Variants in CBL observed in about 807,000 individuals in gnomAD.
CBL encodes E3 ubiquitin-protein ligase CBL.
In CBL, 45 loss-of-function variants were observed where a neutral mutation model predicts 96.9. The ratio of observed to expected loss-of-function variants is 0.46; its 90% CI spans 0.37 to 0.60. The LOEUF is 0.60. CBL is among the 20% of genes least tolerant of loss of function. The probability of loss-of-function intolerance (pLI) is 0.00; values close to 1 mark genes in which losing one functional copy is unlikely to be tolerated. For synonymous variants in CBL, 420 were observed against 426.8 expected (o/e 0.98, Z 0.20); for missense variants, 1,024 against 1,143.5 (o/e 0.90, Z 1.51).
chr11:119,247,935 C>G (rs1949644622), intron 2 of CBL, among the ~76,000 whole-genome samples: 1 of 152,162 alleles, frequency 6.6e-6, no homozygotes, highest in African/African-American at 2.4e-5. Context: ...AGGCAAAAGA[C>G]TTGTACACTG....
chr11:119,281,002 A>G (rs1442674784), intron 9 of CBL, among the ~76,000 whole-genome samples: 1 of 152,180 alleles, frequency 6.6e-6, no homozygotes, highest in Non-Finnish European at 1.5e-5. Flanking sequence ...TTCAGTTTGT[A>G]CCTGTCACTA....
intron 2 of CBL, among the ~76,000 whole-genome samples, chr11:119,251,976 A>G (rs1354424126): frequency 6.6e-6 from 1 of 152,216 alleles, no homozygotes; most frequent in East Asian, 1.9e-4. Context: ...AAGCCAACAA[A>G]TGCCTGCTAG....
At chr11:119,236,107 A>G (rs918257343) in intron 2 of CBL, among the ~76,000 whole-genome samples, 15 of 151,960 alleles carry the variant, frequency 9.9e-5, no homozygotes, top group African/African-American at 3.6e-4. Flanking sequence ...TAAAGTGTAC[A>G]ATTTAGTGGT....
chr11:119,223,919 C>T (rs1949433203), intron 1 of CBL, among the ~76,000 whole-genome samples: 1 of 152,252 alleles, frequency 6.6e-6, no homozygotes, highest in South Asian at 2.1e-4. Context: ...GCCAATGCCC[C>T]TGGCAATTTT....
In CBL at chr11:119,305,030, C is replaced by T. The variant is rs1950125167; in HGVS notation, c.*5249C>T. On this transcript the variant is annotated 3_prime_UTR_variant, in exon 16 of 16. Transcript: ENST00000264033. ...AGGGAGAGCAGAGATGTGGCAGGCTCCTTCAGCTGGAGACAGGGAGCTTCT... is the reference window on the plus strand; with the variant it reads ...AGGGAGAGCAGAGATGTGGCAGGCTTCTTCAGCTGGAGACAGGGAGCTTCT... 4.6e-6 allele frequency: 1 copy of T among 215,366 alleles called. No individual in the cohort carries two copies. 13.3% of individuals were successfully genotyped at this position (215,366 alleles called of 1,614,324 possible).
At chr11:119,272,145 G>A (rs556103829) in intron 3 of CBL, among the ~76,000 whole-genome samples, 5 of 152,178 alleles carry the variant, frequency 3.3e-5, no homozygotes, top group South Asian at 2.1e-4. Flanking sequence ...TTTTTGAGAC[G>A]GAGTCTTGCT....
chr11:119,298,487 C>CT lies in CBL; in HGVS notation c.2382dup (p.Asn795Ter). The CT allele has an allele frequency of 6.2e-7, 1 of 1,614,204 alleles. No homozygotes were observed. The highest frequency in any genetic ancestry group is 8.5e-7 in the Non-Finnish European group (1 of 1,180,032). Reference sequence around the variant, plus strand: ...GCCCGCCGAACTCTCTCAGATATCTCTAATGCCAGCTCCTCCTTTGGCTGG... The same window carrying CT: ...GCCCGCCGAACTCTCTCAGATATCTCTTAATGCCAGCTCCTCCTTTGGCTGG... On this transcript the variant is annotated frameshift_variant, in exon 15 of 16. Transcript: ENST00000264033. LOFTEE classifies it high-confidence loss of function.
chr11:119,270,547 C>A (rs372251835), intron 2 of CBL, among the ~76,000 whole-genome samples: 1 of 138,786 alleles, frequency 7.2e-6, no homozygotes, highest in South Asian at 2.3e-4. Context: ...CCCGGGTTCA[C>A]GCCATTCTCC....
intron 2 of CBL, among the ~76,000 whole-genome samples, chr11:119,251,457 G>T (rs531403036): frequency 1.3e-5 from 2 of 152,274 alleles, no homozygotes; most frequent in African/African-American, 4.8e-5. Context: ...TAAAGGAATG[G>T]TGACTGTTTC....
intron 1 of CBL, among the ~76,000 whole-genome samples, chr11:119,208,421 G>A (rs999146365): frequency 2.0e-5 from 3 of 148,162 alleles, no homozygotes; most frequent in Admixed American, 6.8e-5. Context: ...GGAGTTTTTC[G>A]CTCTTGTTAC....
intron 1 of CBL, among the ~76,000 whole-genome samples, chr11:119,223,284 A>G (rs1378849001): frequency 7.1e-6 from 1 of 141,460 alleles, no homozygotes; most frequent in Non-Finnish European, 1.5e-5. Context: ...CTCCCGTCTC[A>G]GCCTTTCAAA....
Position 119,305,696 on chromosome 11 carries a change from A to G in CBL, c.*5915A>G, listed in dbSNP as rs1351279883. ...TTTTACCGAGAGCTCTTTAGACAGT[A>G]TACCTGTGTCTTCTCTGGCAATTGC... On this transcript the variant is annotated 3_prime_UTR_variant, in exon 16 of 16. Transcript: ENST00000264033. 4 of 225,116 alleles carry G rather than the reference A, an allele frequency of 1.8e-5. No homozygotes were observed. The highest frequency in any genetic ancestry group is 2.6e-5 in the Non-Finnish European group (3 of 113,256). 13.9% of individuals were successfully genotyped at this position (225,116 alleles called of 1,614,324 possible).
chr11:119,225,075 C>T (rs959866189), intron 1 of CBL, among the ~76,000 whole-genome samples: 181 of 147,180 alleles, frequency 1.2e-3, no homozygotes, highest in African/African-American at 4.0e-3. Context: ...TGTGTGTGTG[C>T]GCGCGCTTGT....
rs759585425 is a variant in CBL at position 119,277,777 on chromosome 11, G to A, written c.1028G>A (p.Arg343Gln). The A allele has an allele frequency of 3.1e-6, 5 of 1,613,486 alleles. No homozygotes were observed. The highest frequency in any genetic ancestry group is 2.7e-5 in the African/African-American group (2 of 74,898). The change falls in exon 7 of 16, where the codon CGA becomes CAA. Residue 343 changes from arginine (R) to glutamine (Q), a missense_variant. This residue lies in a region of CBL where 192 missense variants were observed against 321.8 expected (regional missense o/e 0.60). Transcript: ENST00000264033. ...TACAGCTATTTGTTTCCTGATGGAC[G>A]AAATCAGAATCCTGATCTGACTGGC... The part of the protein sequence containing the change: ...REGFYLFPDG[R>Q]NQNPDLTGLC...
Position 119,301,955 on chromosome 11 carries a change from G to A in CBL, c.*2174G>A, listed in dbSNP as rs938383932. The A allele has an allele frequency of 1.7e-5, 4 of 232,962 alleles. No homozygotes were observed. The highest frequency in any genetic ancestry group is 2.5e-5 in the Non-Finnish European group (3 of 118,024). 14.4% of individuals were successfully genotyped at this position (232,962 alleles called of 1,614,324 possible). A position where few individuals can be genotyped will look rare whatever the true frequency, so the allele number is the denominator to read the frequency against. The stretch of plus-strand genomic sequence containing the variant: ...ATATTGTAATTTTTCTTTATCTGCA[G>A]ATATTGCCTGTAGTCTAAAGATCTC... On this transcript the variant is annotated 3_prime_UTR_variant, in exon 16 of 16. Transcript: ENST00000264033.
chr11:119,251,379 G>C (rs571708145), intron 2 of CBL, among the ~76,000 whole-genome samples: 1 of 151,192 alleles, frequency 6.6e-6, no homozygotes, highest in African/African-American at 2.5e-5. Flanking sequence ...CCAAAAAAAA[G>C]ATAAGATAAG....
chr11:119,206,760 TG>T (rs1321106520), intron 1 of CBL, 148 bp downstream of exon 1: 6 of 89,710 alleles, frequency 6.7e-5, no homozygotes, highest in Non-Finnish European at 8.7e-5. Flanking sequence ...GCCGGGGGCG[TG>T]GGGGCAGGGA....
At chr11:119,234,728 A>G (rs1259915899) in intron 2 of CBL, among the ~76,000 whole-genome samples, 1 of 152,204 alleles carries the variant, frequency 6.6e-6, no homozygotes, top group African/African-American at 2.4e-5. Context: ...AGCACAAGAA[A>G]TTGAGACCAG....
rs546521862 is a variant in CBL at position 119,268,872 on chromosome 11, A to AT, written c.444-2857dup. 8.5e-4 allele frequency among the ~76,000 whole-genome samples: 130 copies of AT among 152,260 alleles called. 1 individual carries two copies. Among genetic ancestry groups the AT allele is most frequent in the Middle Eastern group, 3.4e-3 (1 of 294 alleles). On this transcript the variant is annotated intron_variant, in intron 2 of 15. Transcript: ENST00000264033. ...GTATAACCTCAGAAGTGTGACACGGATTTTTTCTATCATCTCATTCATTAT... is the reference window on the plus strand; with the variant it reads ...GTATAACCTCAGAAGTGTGACACGGATTTTTTTCTATCATCTCATTCATTAT...
Sources: allele counts gnomAD v4.1 joint callset (sites outside exome capture counted in the v4.1 genomes callset), GRCh38; gene constraint gnomAD v4.1.1; regional missense constraint gnomAD v4.1.1; transcripts MANE v1.5; gene names NCBI Gene and HGNC (gene_info 2026-07-23, HGNC 2026-07-21).